GAS7: variants seen among roughly 807,000 people sequenced by gnomAD.
GAS7 encodes the protein growth arrest-specific protein 7.
GAS7 carries 28 observed loss-of-function variants against 71.1 expected under a neutral mutation model. That is an observed-to-expected ratio of 0.39 (90% CI 0.29 to 0.54). The LOEUF is 0.54. GAS7 is among the 20% of genes least tolerant of loss of function. GAS7 has a pLI of 0.62. For synonymous variants in GAS7, 258 were observed against 245.8 expected (o/e 1.05, Z -0.46); for missense variants, 436 against 627.8 (o/e 0.69, Z 3.27).
intron 1 of GAS7, among the ~76,000 whole-genome samples, chr17:10,150,591 CT>C (rs3051271): frequency 4.5e-4 from 53 of 118,950 alleles, no homozygotes; most frequent in Admixed American, 6.8e-4. Context: ...TGTTACATTT[CT>C]TTTTTTTTTT....
At chr17:10,049,296 G>A (rs555379531) in intron 1 of GAS7, among the ~76,000 whole-genome samples, 2 of 152,210 alleles carry the variant, frequency 1.3e-5, no homozygotes, top group African/African-American at 4.8e-5. Flanking sequence ...TCCTTAATTT[G>A]GGTAAGACCA....
At chr17:10,100,499 C>T (rs1263586736) in intron 1 of GAS7, among the ~76,000 whole-genome samples, 1 of 152,196 alleles carries the variant, frequency 6.6e-6, no homozygotes, top group East Asian at 1.9e-4. Context: ...TCTCAAATCC[C>T]ATCCAGGTGA....
intron 2 of GAS7, among the ~76,000 whole-genome samples, chr17:9,994,285 A>AT (rs1249037484): frequency 9.3e-5 from 14 of 150,368 alleles, no homozygotes; most frequent in African/African-American, 3.4e-4. Flanking sequence ...AAACTATACT[A>AT]TAAGGCTACA....
rs777407750 is a variant in GAS7, at chr17:10,007,550, C to T, written c.304+12227G>A. ...GAGGCAGGAGAAATCCCTTAGAACC[C>T]GGGAGGCAGAGGTTGCAGTGAGCTG... On this transcript the variant is annotated intron_variant, in intron 2 of 13. Coordinates refer to ENST00000432992, the MANE Select transcript of GAS7 (RefSeq NM_201433.2). Among the ~76,000 whole-genome samples, 52 of 145,216 alleles carry T rather than the reference C, an allele frequency of 3.6e-4. 1 individual carries two copies. Among genetic ancestry groups the T allele is most frequent in the Non-Finnish European group, 6.5e-4 (44 of 67,258 alleles).
intron 1 of GAS7, among the ~76,000 whole-genome samples, chr17:10,131,442 G>A (rs887709253): frequency 2.0e-5 from 3 of 152,168 alleles, no homozygotes; most frequent in Non-Finnish European, 4.4e-5. Context: ...GGCCAACATG[G>A]CAAAACCCTG....
chr17:10,158,587 T>C (rs1206172149), intron 1 of GAS7, among the ~76,000 whole-genome samples: 1 of 152,082 alleles, frequency 6.6e-6, no homozygotes, highest in Admixed American at 6.5e-5. Context: ...TCAACTTACT[T>C]TGAAATGTTT....
At position 10,184,852 on chromosome 17, in the gene GAS7, T is replaced by G. The variant is rs114756913; in HGVS notation, c.183+13356A>C. On this transcript the variant is annotated intron_variant, in intron 1 of 13. Transcript: ENST00000432992. ...TATTAGAGGATTAGAGGGTTGGGAT[T>G]TTTGAGCCCCACCTGCTGACCTCCA... 4.8e-3 allele frequency among the ~76,000 whole-genome samples: 734 copies of G among 152,140 alleles called. 9 individuals carry two copies. Among genetic ancestry groups the G allele is most frequent in the African/African-American group, 0.017 (694 of 41,480 alleles).
At chr17:10,087,563 GAC>G (rs2073532763) in intron 1 of GAS7, among the ~76,000 whole-genome samples, 1 of 152,176 alleles carries the variant, frequency 6.6e-6, no homozygotes, top group East Asian at 1.9e-4. Context: ...AGGCTTTCTG[GAC>G]AGTTTCCTCA....
At chr17:10,076,224 G>GA (rs2073389981) in intron 1 of GAS7, among the ~76,000 whole-genome samples, 1 of 66,948 alleles carries the variant, frequency 1.5e-5, no homozygotes, top group Non-Finnish European at 3.1e-5. Context: ...GGGAGGGGGA[G>GA]GGGAGAGGGA....
At chr17:9,958,900 C>A in intron 5 of GAS7, 3 of 1,194,632 alleles carry the variant, frequency 2.5e-6, no homozygotes, top group Non-Finnish European at 3.3e-6. Flanking sequence ...AGTCCACCCC[C>A]TTCAACCCAC....
intron 1 of GAS7, among the ~76,000 whole-genome samples, chr17:10,152,902 T>A (rs571168272): frequency 6.6e-6 from 1 of 152,000 alleles, no homozygotes; most frequent in East Asian, 1.9e-4. Context: ...TCTTCAGAAA[T>A]CAATGAGAAA....
At chr17:9,996,622 CAT>C (rs922621709) in intron 2 of GAS7, among the ~76,000 whole-genome samples, 2 of 148,512 alleles carry the variant, frequency 1.3e-5, no homozygotes, top group Non-Finnish European at 3.0e-5. Flanking sequence ...TATATACACA[CAT>C]ATATATATAT....
At chr17:10,023,339 G>C (rs1000832800) in intron 1 of GAS7, among the ~76,000 whole-genome samples, 1 of 152,120 alleles carries the variant, frequency 6.6e-6, no homozygotes, top group Non-Finnish European at 1.5e-5. Flanking sequence ...AGACAACCAG[G>C]TATAGACACA....
intron 1 of GAS7, among the ~76,000 whole-genome samples, chr17:10,066,968 A>G (rs939966711): frequency 2.0e-5 from 3 of 152,160 alleles, no homozygotes; most frequent in Non-Finnish European, 4.4e-5. Flanking sequence ...AAAAAATAAT[A>G]ATGATGATGT....
At chr17:9,928,776 T>TCTGG (rs2068104273) in intron 9 of GAS7, among the ~76,000 whole-genome samples, 1 of 152,226 alleles carries the variant, frequency 6.6e-6, no homozygotes, top group Non-Finnish European at 1.5e-5. Context: ...AGGGGCCCCA[T>TCTGG]CTGGGTTGAG....
intron 3 of GAS7, among the ~76,000 whole-genome samples, chr17:9,972,118 G>A (rs944025495): frequency 1.3e-5 from 2 of 152,208 alleles, no homozygotes; most frequent in Non-Finnish European, 2.9e-5. Context: ...CCCTAGTACA[G>A]TAGAAGCTTG....
chr17:10,092,329 G>C (rs2073592015), intron 1 of GAS7, among the ~76,000 whole-genome samples: 1 of 152,180 alleles, frequency 6.6e-6, no homozygotes, highest in Admixed American at 6.5e-5. Flanking sequence ...CTACTAGCCT[G>C]ATATTTTGTT....
intron 1 of GAS7, among the ~76,000 whole-genome samples, chr17:10,147,391 C>T (rs2074129922): frequency 6.6e-6 from 1 of 152,162 alleles, no homozygotes; most frequent in Admixed American, 6.6e-5. Context: ...ACACAACTGC[C>T]TCTCTGAAAT....
chr17:10,124,148 G>A (rs187082562), intron 1 of GAS7, among the ~76,000 whole-genome samples: 1 of 152,352 alleles, frequency 6.6e-6, no homozygotes, highest in Non-Finnish European at 1.5e-5. Flanking sequence ...CACTGTGCCT[G>A]GGCGGGCTCC....
Sources: gnomAD v4.1 joint callset for allele counts (sites outside exome capture counted in the v4.1 genomes callset) on GRCh38, gnomAD v4.1.1 for gene constraint, MANE v1.5 for transcripts, NCBI Gene and HGNC (gene_info 2026-07-23, HGNC 2026-07-21) for gene names.